The following EML1 variants were observed in gnomAD, a reference collection of about 807,000 sequenced individuals.
EML1 encodes the protein echinoderm microtubule-associated protein-like 1.
A neutral mutation model predicts 110.4 loss-of-function variants in EML1; 27 were observed. That is an observed-to-expected ratio of 0.24 (90% CI 0.18 to 0.34). The LOEUF (loss-of-function observed/expected upper bound fraction) is 0.34. Ranked by LOEUF, EML1 falls within the 10% of genes least tolerant of loss-of-function variation. EML1 has a pLI of 1.00. For missense variants in EML1, 741 were observed against 1,030.9 expected, an observed-to-expected ratio of 0.72 and a Z score of 3.85; for synonymous variants, 344 against 385.8, an observed-to-expected ratio of 0.89 and a Z score of 1.27.
exon 1 of EML1, chr14:99,773,283 C>T (rs2057445130): frequency 6.6e-6 from 1 of 152,224 alleles, no homozygotes; most frequent in Non-Finnish European, 1.5e-5. Context: ...GATGAACAAT[C>T]TCAGAATAAG....
rs75784663 is a variant in EML1, at chr14:99,911,202, G to T, written c.1340-220G>T. Among the ~76,000 whole-genome samples, 26 of 152,222 alleles carry T rather than the reference G, an allele frequency of 1.7e-4. No homozygotes were observed. In the East Asian group the frequency reaches 4.8e-3, roughly 28 times the overall value. On this transcript the variant is annotated intron_variant, in intron 12 of 21. Coordinates refer to ENST00000262233, the MANE Select transcript of EML1 (RefSeq NM_004434.3). ...CAGCCGCGTGGTGCTTCAACCATGC[G>T]GCTTCAACAATGCATATTTTCCTTC...
chr14:99,750,586 A>G (rs952868478), intron 1 of EML1, among the ~76,000 whole-genome samples: 1 of 152,194 alleles, frequency 6.6e-6, no homozygotes, highest in Non-Finnish European at 1.5e-5. Flanking sequence ...GGTGCTTGCT[A>G]CACATGAACT....
intron 1 of EML1, among the ~76,000 whole-genome samples, chr14:99,833,842 C>T (rs1280136457): frequency 6.6e-6 from 1 of 152,154 alleles, no homozygotes; most frequent in Non-Finnish European, 1.5e-5. Flanking sequence ...ATCTTCTATC[C>T]TGAAACCTTG....
chr14:99,853,396 A>G (rs1046346426), intron 2 of EML1, among the ~76,000 whole-genome samples: 1 of 151,650 alleles, frequency 6.6e-6, no homozygotes. Context: ...TGCCCACGGG[A>G]GGGGTGTGCC....
intron 2 of EML1, among the ~76,000 whole-genome samples, chr14:99,862,938 T>G (rs529300585): frequency 1.3e-5 from 2 of 152,296 alleles, no homozygotes; most frequent in South Asian, 4.1e-4. Flanking sequence ...CCTGTGTGTG[T>G]GGGTGTCTAT....
At chr14:99,913,886 C>T (rs1271705157) in intron 13 of EML1, among the ~76,000 whole-genome samples, 1 of 151,370 alleles carries the variant, frequency 6.6e-6, no homozygotes, top group Non-Finnish European at 1.5e-5. Context: ...GACGGGGTTT[C>T]ATCATGTTGC....
At chr14:99,849,505 TTG>T (rs764449866) in intron 1 of EML1, among the ~76,000 whole-genome samples, 4,911 of 149,030 alleles carry the variant, frequency 0.033, 150 homozygotes, top group Admixed American at 0.1. Context: ...GTGTGTGTAT[TTG>T]TGTGTGTGTG....
rs1186228335 is a variant in EML1 at position 99,928,215 on chromosome 14, ATGGTGGTGGTGGTGG to A, written c.1909+7357_1909+7371del. Among the ~76,000 whole-genome samples the A allele has an allele frequency of 1.5e-3, 5 of 3,362 alleles. 1 individual carries two copies. The South Asian group carries it at 0.05, about 34-fold the overall frequency. 2.2% of individuals were successfully genotyped at this position (3,362 alleles called of 152,430 possible). ...GGTGGTGGTGGTGGTGGTGATGGTG[ATGGTGGTGGTGGTGG>A]TGGTGGTGGTGGTGGTGGGTAGTGG... On this transcript the variant is annotated intron_variant, in intron 17 of 21. Transcript: ENST00000262233.
chr14:99,788,275 T>C (rs764450274), intron 1 of EML1, among the ~76,000 whole-genome samples: 6 of 152,180 alleles, frequency 3.9e-5, no homozygotes, highest in Non-Finnish European at 7.3e-5. Flanking sequence ...TCCAAATGTC[T>C]CTTAGATTGT....
intron 1 of EML1, among the ~76,000 whole-genome samples, chr14:99,744,205 A>G (rs1460580636): frequency 2.6e-5 from 4 of 152,226 alleles, no homozygotes; most frequent in Non-Finnish European, 4.4e-5. Context: ...CAATGGCTCA[A>G]TACCACAAAG....
At chr14:99,855,027 G>T (rs2058878935) in intron 2 of EML1, among the ~76,000 whole-genome samples, 1 of 152,138 alleles carries the variant, frequency 6.6e-6, no homozygotes, top group Non-Finnish European at 1.5e-5. Flanking sequence ...GCAGCAAGCA[G>T]TAGGGGCATG....
At chr14:99,829,047 T>C (rs1327603726) in intron 1 of EML1, among the ~76,000 whole-genome samples, 1 of 152,014 alleles carries the variant, frequency 6.6e-6, no homozygotes, top group African/African-American at 2.4e-5. Flanking sequence ...AAAAACACAG[T>C]GTATATAGGG....
intron 3 of EML1, among the ~76,000 whole-genome samples, chr14:99,873,777 A>G (rs1219956479): frequency 6.6e-6 from 1 of 152,242 alleles, no homozygotes; most frequent in Non-Finnish European, 1.5e-5. Flanking sequence ...TGTTAATTTA[A>G]TTACTGAAGT....
At chr14:99,865,764 A>G in intron 3 of EML1, 118 bp downstream of exon 3, 1 of 1,291,112 alleles carries the variant, frequency 7.7e-7, no homozygotes, top group East Asian at 2.6e-5. Context: ...AAAGCTTATA[A>G]AAGTCCAACA....
At chr14:99,815,438 G>A (rs1162703873) in intron 1 of EML1, among the ~76,000 whole-genome samples, 2 of 151,964 alleles carry the variant, frequency 1.3e-5, no homozygotes, top group Non-Finnish European at 2.9e-5. Flanking sequence ...ACTGCGCCCT[G>A]CTGAGGCTTG....
intron 1 of EML1, among the ~76,000 whole-genome samples, chr14:99,847,281 G>A (rs557246358): frequency 7.9e-5 from 12 of 152,240 alleles, no homozygotes; most frequent in Admixed American, 3.3e-4. Context: ...GTTAGCTACC[G>A]TTTTCTCTAC....
At position 99,900,881 on chromosome 14, in the gene EML1, T is replaced by C. The variant is rs756091379; in HGVS notation, c.898-48T>C. 47 of 1,486,830 alleles carry C rather than the reference T, an allele frequency of 3.2e-5. 1 individual carries two copies. The South Asian group carries it at 4.7e-4, about 15-fold the overall frequency. 92.1% of individuals were successfully genotyped at this position (1,486,830 alleles called of 1,614,324 possible). On this transcript the variant is annotated intron_variant, in intron 8 of 21. Transcript: ENST00000262233. ...CTTGTAGCTTCAAGGTAAAGACACA[T>C]GTGTATCACCATCACAATTGATGGC...
chr14:99,882,090 A>AT (rs2059394659), intron 4 of EML1, among the ~76,000 whole-genome samples: 1 of 152,204 alleles, frequency 6.6e-6, no homozygotes, highest in South Asian at 2.1e-4. Flanking sequence ...CAAAACCTCT[A>AT]TTAAAAACAA....
chr14:99,788,065 T>G (rs1305236286), intron 1 of EML1, among the ~76,000 whole-genome samples: 1 of 152,122 alleles, frequency 6.6e-6, no homozygotes. Flanking sequence ...CAAGGCCCGC[T>G]GCAAGCAGGG....
Sources: allele counts gnomAD v4.1 joint callset (sites outside exome capture counted in the v4.1 genomes callset), GRCh38; gene constraint gnomAD v4.1.1; transcripts MANE v1.5; gene names NCBI Gene and HGNC (gene_info 2026-07-23, HGNC 2026-07-21).